The following GNAO1 variants were observed in gnomAD, a reference collection of about 807,000 sequenced individuals.
GNAO1 encodes G protein subunit alpha o1.
For synonymous variants in GNAO1, 164 were observed against 180.7 expected, an observed-to-expected ratio of 0.91 and a Z score of 0.74; for missense variants, 166 against 478.7, an observed-to-expected ratio of 0.35 and a Z score of 6.10.
rs1399911091 is a variant in GNAO1 at position 56,281,515 on chromosome 16, T to G, written c.303+5443T>G. ...CCTTTTTCTTCATCTCCCTTTCCCC[T>G]CCCCTTCTATCTCTCCCTTTCCCGC... is the stretch of plus-strand genomic sequence containing the variant. On this transcript the variant is annotated intron_variant, in intron 3 of 8. Transcript: ENST00000262493. Among the ~76,000 whole-genome samples, 3 of 151,186 alleles carry G rather than the reference T, an allele frequency of 2.0e-5. No individual in the cohort carries two copies. In the East Asian group the frequency reaches 5.8e-4, roughly 29 times the overall value.
intron 3 of GNAO1, among the ~76,000 whole-genome samples, chr16:56,304,269 C>T (rs1222673112): frequency 6.6e-6 from 1 of 152,242 alleles, no homozygotes; most frequent in African/African-American, 2.4e-5. Context: ...GGGCTTTGCC[C>T]ATGGTACTGA....
intron 6 of GNAO1, among the ~76,000 whole-genome samples, chr16:56,338,117 T>C (rs1446040021): frequency 6.6e-6 from 1 of 152,156 alleles, no homozygotes; most frequent in African/African-American, 2.4e-5. Flanking sequence ...GGGTGTGGGC[T>C]ACGGGGCACA....
chr16:56,284,532 G>A (rs1046491540), intron 3 of GNAO1, among the ~76,000 whole-genome samples: 4 of 152,212 alleles, frequency 2.6e-5, no homozygotes, highest in Admixed American at 6.5e-5. Flanking sequence ...AAGGACTAAA[G>A]TGTCAGATTT....
intron 2 of GNAO1, among the ~76,000 whole-genome samples, chr16:56,242,922 A>G (rs1167166665): frequency 6.6e-6 from 1 of 152,162 alleles, no homozygotes; most frequent in African/African-American, 2.4e-5. Flanking sequence ...GCAAAGCTTC[A>G]TCTGTATTTA....
At chr16:56,271,520 C>A (rs1335413465) in intron 2 of GNAO1, among the ~76,000 whole-genome samples, 1 of 152,176 alleles carries the variant, frequency 6.6e-6, no homozygotes, top group African/African-American at 2.4e-5. Context: ...GTGGCGTGAT[C>A]TTGGTTCACT....
chr16:56,214,359 G>A (rs529429149), intron 2 of GNAO1, among the ~76,000 whole-genome samples: 2 of 152,292 alleles, frequency 1.3e-5, no homozygotes, highest in East Asian at 3.9e-4. Context: ...CACCGTAGAC[G>A]TGCTCAGTAA....
At chr16:56,240,632 A>C (rs115639907) in intron 2 of GNAO1, among the ~76,000 whole-genome samples, 7 of 152,114 alleles carry the variant, frequency 4.6e-5, no homozygotes, top group Non-Finnish European at 1.0e-4. Context: ...ACCTTTGCCA[A>C]GTCCTCCATG....
chr16:56,245,275 G>T (rs954539668), intron 2 of GNAO1, among the ~76,000 whole-genome samples: 2 of 152,160 alleles, frequency 1.3e-5, no homozygotes, highest in Non-Finnish European at 2.9e-5. Context: ...CCCTGCTTCG[G>T]CTCTGTGCAA....
intron 3 of GNAO1, among the ~76,000 whole-genome samples, chr16:56,281,936 T>C: frequency 6.6e-6 from 1 of 152,252 alleles, no homozygotes; most frequent in Non-Finnish European, 1.5e-5. Flanking sequence ...CGTGTGTATG[T>C]ATGTACATCC....
At chr16:56,256,536 G>T (rs2036848517) in intron 2 of GNAO1, among the ~76,000 whole-genome samples, 1 of 152,090 alleles carries the variant, frequency 6.6e-6, no homozygotes, top group Non-Finnish European at 1.5e-5. Flanking sequence ...ACCCCCATCT[G>T]CCCAAAGGCC....
In GNAO1 at chr16:56,243,417, A is replaced by C. The variant is rs527374762; in HGVS notation, c.162-32514A>C. ...GAGTGGGAAAAAATATTTGCAACTCATATGTCTGATCAGGGATTTGTGCCC... is the reference window on the plus strand; with the variant it reads ...GAGTGGGAAAAAATATTTGCAACTCCTATGTCTGATCAGGGATTTGTGCCC... On this transcript the variant is annotated intron_variant, in intron 2 of 8. Coordinates refer to ENST00000262493, the MANE Select transcript of GNAO1 (RefSeq NM_020988.3). 4.6e-5 allele frequency among the ~76,000 whole-genome samples: 7 copies of C among 152,282 alleles called. No individual in the cohort carries two copies. The South Asian group carries it at 1.2e-3, about 27-fold the overall frequency.
chr16:56,255,063 A>C (rs1195553779), intron 2 of GNAO1, among the ~76,000 whole-genome samples: 5 of 151,784 alleles, frequency 3.3e-5, no homozygotes, highest in African/African-American at 1.2e-4. Context: ...ATCCTCTTCA[A>C]CTCCTTGATT....
intron 2 of GNAO1, among the ~76,000 whole-genome samples, chr16:56,249,494 G>A (rs764708558): frequency 6.6e-6 from 1 of 152,144 alleles, no homozygotes; most frequent in Non-Finnish European, 1.5e-5. Context: ...GGAGGAGGCT[G>A]TTCTGTGGAC....
chr16:56,193,426 C>T (rs1277881484), intron 2 of GNAO1: 1 of 153,734 alleles, frequency 6.5e-6, no homozygotes, highest in Non-Finnish European at 1.4e-5. Context: ...TTCGTTCGCT[C>T]CGTGGCCTTT....
intron 2 of GNAO1, among the ~76,000 whole-genome samples, chr16:56,197,762 G>C (rs187953075): frequency 6.6e-6 from 1 of 152,164 alleles, no homozygotes; most frequent in East Asian, 1.9e-4. Flanking sequence ...AGATTATTTT[G>C]TGCTTCTTCA....
At chr16:56,318,091 C>T (rs1166783670) in intron 3 of GNAO1, among the ~76,000 whole-genome samples, 7 of 152,178 alleles carry the variant, frequency 4.6e-5, no homozygotes, top group Non-Finnish European at 8.8e-5. Flanking sequence ...CACTGAGAGT[C>T]ACAGGCAGAG....
intron 2 of GNAO1, among the ~76,000 whole-genome samples, chr16:56,196,993 G>T (rs1203971179): frequency 6.6e-6 from 1 of 152,198 alleles, no homozygotes; most frequent in African/African-American, 2.4e-5. Flanking sequence ...CCCTGACTTT[G>T]TAATTAGGGT....
At chr16:56,320,951 T>C (rs1346556632) in intron 3 of GNAO1, among the ~76,000 whole-genome samples, 1 of 152,216 alleles carries the variant, frequency 6.6e-6, no homozygotes, top group Non-Finnish European at 1.5e-5. Flanking sequence ...GTGTGCAGCA[T>C]GTATGTGGCC....
intron 2 of GNAO1, among the ~76,000 whole-genome samples, chr16:56,212,432 C>T (rs2143336357): frequency 6.6e-6 from 1 of 152,186 alleles, no homozygotes; most frequent in East Asian, 1.9e-4. Flanking sequence ...ATGTTCCTGT[C>T]TCTTGGCTGA....
Sources: gnomAD v4.1 joint callset for allele counts (sites outside exome capture counted in the v4.1 genomes callset) on GRCh38, gnomAD v4.1.1 for gene constraint, MANE v1.5 for transcripts, NCBI Gene and HGNC (gene_info 2026-07-23, HGNC 2026-07-21) for gene names.